The following CTNNA2 variants were observed in gnomAD, a reference collection of about 807,000 sequenced individuals.
CTNNA2 encodes the protein catenin alpha 2.
A neutral mutation model predicts 101.0 loss-of-function variants in CTNNA2; 42 were observed. That is an observed-to-expected ratio of 0.42 (90% CI 0.32 to 0.54). The LOEUF is 0.54. CTNNA2 is among the 20% of genes least tolerant of loss of function. The probability of loss-of-function intolerance (pLI) is 0.14; values close to 1 mark genes in which losing one functional copy is unlikely to be tolerated. For missense variants in CTNNA2, 871 were observed against 1,223.1 expected (o/e 0.71, Z 4.29); for synonymous variants, 450 against 456.4 (o/e 0.99, Z 0.18).
intron 7 of CTNNA2, among the ~76,000 whole-genome samples, chr2:80,267,962 G>A (rs955368450): frequency 6.6e-5 from 10 of 152,210 alleles, no homozygotes; most frequent in South Asian, 4.1e-4. Context: ...CCCTAGAGGC[G>A]TCTTAAGAAA....
chr2:79,941,449 C>T (rs965500104), intron 7 of CTNNA2, among the ~76,000 whole-genome samples: 1 of 152,124 alleles, frequency 6.6e-6, no homozygotes, highest in Non-Finnish European at 1.5e-5. Flanking sequence ...TGTCATGGGA[C>T]ACCTAGAGTG....
intron 7 of CTNNA2, among the ~76,000 whole-genome samples, chr2:80,087,990 C>T (rs1699552851): frequency 1.3e-5 from 2 of 151,900 alleles, no homozygotes; most frequent in Non-Finnish European, 2.9e-5. Flanking sequence ...TCACTTCAGC[C>T]CTTGCCGACC....
chr2:80,077,915 G>C (rs890835355), intron 7 of CTNNA2, among the ~76,000 whole-genome samples: 4 of 151,720 alleles, frequency 2.6e-5, no homozygotes, highest in African/African-American at 9.7e-5. Context: ...TAACTGAATG[G>C]GTACATAAAA....
At chr2:80,232,384 T>G (rs1709304810) in intron 7 of CTNNA2, among the ~76,000 whole-genome samples, 1 of 88,608 alleles carries the variant, frequency 1.1e-5, no homozygotes, top group Non-Finnish European at 2.7e-5. Context: ...TTTTTTTTTT[T>G]TTTTGTTAAC....
At chr2:80,410,858 T>C (rs1466464954) in intron 8 of CTNNA2, among the ~76,000 whole-genome samples, 1 of 152,204 alleles carries the variant, frequency 6.6e-6, no homozygotes, top group Non-Finnish European at 1.5e-5. Flanking sequence ...CTTTTGGATA[T>C]GCCTGTGTTT....
chr2:79,646,692 C>T (rs148126862), intron 1 of CTNNA2, among the ~76,000 whole-genome samples: 104 of 151,922 alleles, frequency 6.8e-4, no homozygotes, highest in Non-Finnish European at 1.2e-3. Context: ...ACCATGCTCA[C>T]CTAATTTTTG....
At chr2:79,621,169 A>G (rs910923211) in intron 1 of CTNNA2, among the ~76,000 whole-genome samples, 2 of 152,078 alleles carry the variant, frequency 1.3e-5, no homozygotes, top group African/African-American at 4.8e-5. Context: ...ATTTTCGTAA[A>G]ACTGTTATGC....
intron 6 of CTNNA2, among the ~76,000 whole-genome samples, chr2:79,885,461 A>T (rs981901519): frequency 1.3e-5 from 2 of 152,118 alleles, no homozygotes; most frequent in East Asian, 3.9e-4. Flanking sequence ...TTGACTTATG[A>T]TTTCTTCAAC....
At chr2:79,741,498 C>T (rs7564458) in intron 2 of CTNNA2, among the ~76,000 whole-genome samples, 8,428 of 152,024 alleles carry the variant, frequency 0.055, 401 homozygotes, top group African/African-American at 0.12. Context: ...TCCAAGAATG[C>T]GGGATGTCTC....
At chr2:80,445,988 G>A (rs969040138) in intron 9 of CTNNA2, among the ~76,000 whole-genome samples, 3 of 152,134 alleles carry the variant, frequency 2.0e-5, no homozygotes, top group Non-Finnish European at 4.4e-5. Flanking sequence ...TATTGTCAGT[G>A]CCTGCCTCAT....
intron 7 of CTNNA2, among the ~76,000 whole-genome samples, chr2:79,998,877 C>CA (rs1424045637): frequency 6.6e-6 from 1 of 152,126 alleles, no homozygotes; most frequent in Non-Finnish European, 1.5e-5. Context: ...GTTTCTTTCA[C>CA]AAAATGGGCT....
chr2:80,146,809 C>T (rs1356634933), intron 7 of CTNNA2, among the ~76,000 whole-genome samples: 2 of 140,720 alleles, frequency 1.4e-5, no homozygotes, highest in Non-Finnish European at 3.1e-5. Flanking sequence ...ACTGCAACCT[C>T]TGCCTACCAG....
chr2:79,395,250 T>C (rs1001630755), intron 4 of CTNNA2, among the ~76,000 whole-genome samples: 105 of 152,270 alleles, frequency 6.9e-4, no homozygotes, highest in African/African-American at 2.5e-3. Context: ...TCTTTTTTAT[T>C]ATTATTATAC....
At chr2:79,935,521 A>T (rs1467842464) in intron 7 of CTNNA2, among the ~76,000 whole-genome samples, 2 of 152,140 alleles carry the variant, frequency 1.3e-5, no homozygotes, top group Non-Finnish European at 2.9e-5. Context: ...AGAGGCTATC[A>T]TTTATTTTTA....
rs374617854 is a variant in CTNNA2 at position 79,922,913 on chromosome 2, C to T, written c.1056+13116C>T. On this transcript the variant is annotated intron_variant, in intron 7 of 18. Coordinates refer to ENST00000402739, the MANE Select transcript of CTNNA2 (RefSeq NM_001282597.3). ...GAATCTAGAGACAACATTGGATTTT[C>T]GGTATTCTATTCTCTCCATTTAAAG... 3.3e-5 allele frequency among the ~76,000 whole-genome samples: 5 copies of T among 152,018 alleles called. No individual in the cohort carries two copies. In the South Asian group the frequency reaches 6.2e-4, roughly 19 times the overall value.
intron 2 of CTNNA2, among the ~76,000 whole-genome samples, chr2:79,245,848 C>T (rs750437211): frequency 1.8e-4 from 27 of 152,126 alleles, no homozygotes; most frequent in Non-Finnish European, 3.7e-4. Context: ...AGACCCTGTC[C>T]CTGTATCTTC....
intron 7 of CTNNA2, among the ~76,000 whole-genome samples, chr2:80,138,112 A>G (rs1370366405): frequency 2.0e-5 from 3 of 152,174 alleles, no homozygotes; most frequent in African/African-American, 7.2e-5. Context: ...TTTGGACTCT[A>G]TTAAATCCAT....
chr2:79,920,170 T>C (rs1057178889), intron 7 of CTNNA2, among the ~76,000 whole-genome samples: 8 of 152,100 alleles, frequency 5.3e-5, no homozygotes, highest in Non-Finnish European at 1.0e-4. Context: ...TGAGCTGAGA[T>C]TGTGTCACTG....
intron 7 of CTNNA2, among the ~76,000 whole-genome samples, chr2:80,306,159 T>C (rs1351470620): frequency 1.3e-5 from 2 of 152,206 alleles, no homozygotes; most frequent in Non-Finnish European, 2.9e-5. Context: ...TCATCTGAGC[T>C]CTGCCCTGGT....
Sources: allele counts gnomAD v4.1 joint callset (sites outside exome capture counted in the v4.1 genomes callset), GRCh38; gene constraint gnomAD v4.1.1; transcripts MANE v1.5; gene names NCBI Gene and HGNC (gene_info 2026-07-23, HGNC 2026-07-21).